AXIN1: variants seen among roughly 807,000 people sequenced by gnomAD.
AXIN1 encodes the protein axin-1.
AXIN1 carries 30 observed loss-of-function variants against 76.4 expected under a neutral mutation model. The ratio of observed to expected loss-of-function variants is 0.39; its 90% CI spans 0.29 to 0.53. The LOEUF (loss-of-function observed/expected upper bound fraction) is 0.53, where lower values mean the gene tolerates loss of function less well. Ranked by LOEUF, AXIN1 falls within the 20% of genes least tolerant of loss-of-function variation. The probability of loss-of-function intolerance (pLI) is 0.66; values close to 1 mark genes in which losing one functional copy is unlikely to be tolerated. For missense variants in AXIN1, 1,140 were observed against 1,198.8 expected (o/e 0.95, Z 0.72); for synonymous variants, 545 against 501.4 (o/e 1.09, Z -1.16).
chr16:331,685 T>G (rs1268310110), intron 2 of AXIN1, among the ~76,000 whole-genome samples: 1 of 152,180 alleles, frequency 6.6e-6, no homozygotes, highest in Non-Finnish European at 1.5e-5. Flanking sequence ...TTTGCAAACT[T>G]TTTTGTTCAC....
chr16:311,588 G>A (rs900234459), intron 3 of AXIN1, among the ~76,000 whole-genome samples: 3 of 151,492 alleles, frequency 2.0e-5, no homozygotes, highest in South Asian at 2.1e-4. Flanking sequence ...TGGCTAACAC[G>A]GTGAAACCCC....
chr16:348,397 C>G (rs1475799545), intron 1 of AXIN1, among the ~76,000 whole-genome samples: 1 of 152,250 alleles, frequency 6.6e-6, no homozygotes, highest in Non-Finnish European at 1.5e-5. Context: ...ATCCCCCAGC[C>G]ACCACTCCAC....
chr16:288,020 A>G lies in AXIN1; in HGVS notation c.*102T>C. The G allele has an allele frequency of 4.4e-6, 7 of 1,579,374 alleles. No homozygotes were observed. Among genetic ancestry groups the G allele is most frequent in the Non-Finnish European group, 5.2e-6 (6 of 1,158,554 alleles). ...CACAGGGATGGGTGGTACACCCAACACTGTTCCCCATCGGGCTCCTGAGTA... is the reference window on the plus strand; with the variant it reads ...CACAGGGATGGGTGGTACACCCAACGCTGTTCCCCATCGGGCTCCTGAGTA... On this transcript the variant is annotated 3_prime_UTR_variant, in exon 11 of 11. Transcript: ENST00000262320.
At chr16:347,389 C>T (rs1288363496) in intron 1 of AXIN1, among the ~76,000 whole-genome samples, 1 of 152,190 alleles carries the variant, frequency 6.6e-6, no homozygotes, top group East Asian at 1.9e-4. Context: ...ACAAACATCA[C>T]GGAGGCTGGC....
At chr16:301,823 C>G (rs953184940) in intron 5 of AXIN1, among the ~76,000 whole-genome samples, 4 of 152,200 alleles carry the variant, frequency 2.6e-5, no homozygotes, top group African/African-American at 4.8e-5. Flanking sequence ...CAGAAAATGA[C>G]AGCGGCCAAC....
At chr16:328,115 G>T (rs997021001) in intron 2 of AXIN1, among the ~76,000 whole-genome samples, 8 of 152,192 alleles carry the variant, frequency 5.3e-5, no homozygotes, top group Admixed American at 2.6e-4. Context: ...CCAAGGGCTG[G>T]GCGGGGTAGC....
At chr16:298,344 A>C in intron 5 of AXIN1, 93 bp from the exon 6 acceptor site, 1 of 1,517,418 alleles carries the variant, frequency 6.6e-7, no homozygotes, top group Non-Finnish European at 8.8e-7. Flanking sequence ...CAGCCCCAGC[A>C]GATGCCGTCC....
chr16:303,871 G>T (rs774120503), intron 5 of AXIN1, among the ~76,000 whole-genome samples: 1 of 152,192 alleles, frequency 6.6e-6, no homozygotes, highest in East Asian at 1.9e-4. Flanking sequence ...CCAGGAGGTG[G>T]CAGAAAGTCT....
chr16:314,938 A>G (rs2053266617), intron 2 of AXIN1, among the ~76,000 whole-genome samples: 1 of 152,204 alleles, frequency 6.6e-6, no homozygotes, highest in Non-Finnish European at 1.5e-5. Context: ...GCTTTGGTGC[A>G]CACACAGAGC....
intron 2 of AXIN1, among the ~76,000 whole-genome samples, chr16:337,544 G>T (rs1286198828): frequency 6.6e-6 from 1 of 151,300 alleles, no homozygotes; most frequent in African/African-American, 2.4e-5. Context: ...AAAGGAGGCA[G>T]GAGGGTGAGT....
rs779227345 is a variant in AXIN1, at chr16:293,444, G to A, written c.2186+44C>T. 1 of 1,582,142 alleles carries A rather than the reference G, an allele frequency of 6.3e-7. No individual in the cohort carries two copies. The highest frequency in any genetic ancestry group is 1.1e-5 in the South Asian group (1 of 90,272). The stretch of plus-strand genomic sequence containing the variant: ...GAGCTTCAGCCCCAGGAGTGGTGCT[G>A]TGGTAACCCCCAAGACCCACCCCAC... On this transcript the variant is annotated intron_variant, in intron 8 of 10. Transcript: ENST00000262320. This position sits in a 1 kb window ranked among gnomAD's most constrained non-coding sequence, Gnocchi z 4.6.
At chr16:292,721 C>A (rs534963800) in intron 8 of AXIN1, 1 of 152,404 alleles carries the variant, frequency 6.6e-6, no homozygotes, top group East Asian at 1.9e-4. Flanking sequence ...GCCGAGAAAA[C>A]TGGCCTTATG....
intron 4 of AXIN1, among the ~76,000 whole-genome samples, chr16:307,654 C>T (rs565813810): frequency 1.5e-4 from 23 of 152,310 alleles, no homozygotes; most frequent in South Asian, 4.1e-4. Flanking sequence ...CCTGGGCCTC[C>T]GTGGGTGCAG....
Position 305,682 on chromosome 16 carries a change from T to C in AXIN1, c.1117-1241A>G, listed in dbSNP as rs868413243. 6.6e-5 allele frequency among the ~76,000 whole-genome samples: 10 copies of C among 152,274 alleles called. No individual in the cohort carries two copies. The South Asian group carries it at 2.1e-3, about 32-fold the overall frequency. ...CCTCAGCCTCCCGAGTAGCTGGGAC[T>C]ACAGGCGCCTGCCACCATGCCCGGC... On this transcript the variant is annotated intron_variant, in intron 4 of 10. Coordinates refer to ENST00000262320, the MANE Select transcript of AXIN1 (RefSeq NM_003502.4).
intron 4 of AXIN1, among the ~76,000 whole-genome samples, chr16:305,275 T>C (rs1235267735): frequency 6.6e-6 from 1 of 152,152 alleles, no homozygotes; most frequent in Non-Finnish European, 1.5e-5. Context: ...AAGAGACCAG[T>C]CTGGCCAACA....
rs971337527 is a variant in AXIN1 at position 287,711 on chromosome 16, A to T, written c.*411T>A. ...GCACTCGGTGGCGCGTACAATTGAC[A>T]GAGGCCCTGCAGGCCTCTGCATCCG... On this transcript the variant is annotated 3_prime_UTR_variant, in exon 11 of 11. Transcript: ENST00000262320. 2.2e-5 allele frequency: 8 copies of T among 360,494 alleles called. No individual in the cohort carries two copies. Among genetic ancestry groups the T allele is most frequent in the Admixed American group, 1.3e-4 (3 of 23,626 alleles). 22.3% of individuals were successfully genotyped at this position (360,494 alleles called of 1,614,324 possible).
At chr16:296,994 T>C in intron 7 of AXIN1, 62 bp downstream of exon 7, 2 of 1,567,806 alleles carry the variant, frequency 1.3e-6, no homozygotes, top group East Asian at 2.2e-5. Flanking sequence ...ACACTGAGAC[T>C]GTGCGGAGGC....
intron 2 of AXIN1, among the ~76,000 whole-genome samples, chr16:336,013 T>A (rs2053796368): frequency 6.6e-6 from 1 of 152,122 alleles, no homozygotes; most frequent in South Asian, 2.1e-4. Context: ...GGCAGGGGGA[T>A]CACTTGAGGT....
At chr16:308,764 C>G (rs2053095777) in intron 4 of AXIN1, among the ~76,000 whole-genome samples, 1 of 152,226 alleles carries the variant, frequency 6.6e-6, no homozygotes, top group African/African-American at 2.4e-5. Flanking sequence ...CACCCACACA[C>G]AGCCTACAGT....
Sources: gnomAD v4.1 joint callset for allele counts (sites outside exome capture counted in the v4.1 genomes callset) on GRCh38, gnomAD v4.1.1 for gene constraint, Gnocchi (gnomAD v3.1) non-coding constraint, MANE v1.5 for transcripts, NCBI Gene and HGNC (gene_info 2026-07-23, HGNC 2026-07-21) for gene names.